Variants in GIPC2 observed in about 807,000 individuals in gnomAD.
The protein encoded by GIPC2 is GIPC PDZ domain containing family member 2.
In GIPC2, 30 loss-of-function variants were observed where a neutral mutation model predicts 30.6. That is an observed-to-expected ratio of 0.98 (90% confidence interval 0.73 to 1.33). GIPC2 has a LOEUF of 1.33. Ranked by LOEUF, GIPC2 falls within the 40% of genes most tolerant of loss-of-function variation. The probability of loss-of-function intolerance (pLI) is 0.00; values close to 1 mark genes in which losing one functional copy is unlikely to be tolerated. For missense variants in GIPC2, 414 were observed against 390.3 expected (o/e 1.06, Z -0.51); for synonymous variants, 167 against 150.0 (o/e 1.11, Z -0.83).
chr1:78,047,112 GTTT>G (rs1661108405), intron 1 of GIPC2, among the ~76,000 whole-genome samples: 1 of 152,190 alleles, frequency 6.6e-6, no homozygotes, highest in Non-Finnish European at 1.5e-5. Flanking sequence ...CTGGAACTAA[GTTT>G]GACACAGGCA....
intron 2 of GIPC2, chr1:78,091,534 G>A (rs1034057683): frequency 8.0e-6 from 6 of 749,966 alleles, no homozygotes; most frequent in Non-Finnish European, 1.5e-5. Flanking sequence ...AGCCGTCCGA[G>A]GAGGACCTGC....
chr1:78,072,935 G>A (rs1008916994), intron 1 of GIPC2, among the ~76,000 whole-genome samples: 1 of 151,318 alleles, frequency 6.6e-6, no homozygotes, highest in Non-Finnish European at 1.5e-5. Context: ...CTCCCGAGTA[G>A]CTGGGACTAC....
intron 2 of GIPC2, 21 bp from the exon 3 acceptor site, chr1:78,094,931 T>G (rs1220273492): frequency 6.7e-7 from 1 of 1,486,804 alleles, no homozygotes; most frequent in Non-Finnish European, 9.4e-7. Flanking sequence ...TTATATTATG[T>G]TATCATCAAT....
intron 1 of GIPC2, among the ~76,000 whole-genome samples, chr1:78,056,848 A>G (rs1404071416): frequency 1.3e-5 from 2 of 152,160 alleles, no homozygotes; most frequent in Non-Finnish European, 2.9e-5. Context: ...AAACACCATA[A>G]TTTGGACTTC....
At chr1:78,111,883 A>G (rs1490588757) in intron 3 of GIPC2, among the ~76,000 whole-genome samples, 8 of 152,390 alleles carry the variant, frequency 5.2e-5, no homozygotes, top group African/African-American at 1.7e-4. Flanking sequence ...TCCAAAGTCC[A>G]TGTTCTTAAC....
chr1:78,115,667 T>A (rs1031029674), intron 3 of GIPC2, among the ~76,000 whole-genome samples: 1 of 152,230 alleles, frequency 6.6e-6, no homozygotes, highest in African/African-American at 2.4e-5. Flanking sequence ...AGGCCAATAC[T>A]GTAGGCTTGC....
chr1:78,133,440 G>A (rs1252239463), intron 5 of GIPC2, among the ~76,000 whole-genome samples: 3 of 152,278 alleles, frequency 2.0e-5, no homozygotes, highest in South Asian at 2.1e-4. Context: ...ATTTGTTTGT[G>A]CATTTAAGCA....
At chr1:78,110,668 C>G (rs914200053) in intron 3 of GIPC2, among the ~76,000 whole-genome samples, 1 of 152,196 alleles carries the variant, frequency 6.6e-6, no homozygotes, top group African/African-American at 2.4e-5. Context: ...CTCCATTCAT[C>G]GCTTTTGGAA....
At chr1:78,114,394 A>G (rs889612075) in intron 3 of GIPC2, among the ~76,000 whole-genome samples, 7 of 152,224 alleles carry the variant, frequency 4.6e-5, no homozygotes, top group Non-Finnish European at 1.0e-4. Flanking sequence ...TCTCCAAAAC[A>G]TTTCAAAAAC....
intron 5 of GIPC2, among the ~76,000 whole-genome samples, chr1:78,130,305 T>C (rs1338016529): frequency 2.0e-5 from 3 of 152,146 alleles, no homozygotes; most frequent in South Asian, 4.1e-4. Context: ...GGTTTCACCA[T>C]GTTGACCAGG....
rs1197794455 is a variant in GIPC2, at chr1:78,132,553, C to T, written c.797-3039C>T. ...CATTGCAAGTCAGTGCAGGTGAAAT[C>T]TACAACATGGAGTTCCCGGGCTTAG... On this transcript the variant is annotated intron_variant, in intron 5 of 5. Transcript: ENST00000370759. Among the ~76,000 whole-genome samples the T allele has an allele frequency of 2.0e-5, 3 of 152,170 alleles. No individual in the cohort carries two copies. The East Asian group carries it at 5.8e-4, about 29-fold the overall frequency.
intron 3 of GIPC2, among the ~76,000 whole-genome samples, chr1:78,108,369 C>G (rs1180867997): frequency 6.6e-6 from 1 of 152,164 alleles, no homozygotes; most frequent in East Asian, 1.9e-4. Flanking sequence ...TAAATGACAT[C>G]TTAACTAAAG....
intron 1 of GIPC2, among the ~76,000 whole-genome samples, chr1:78,059,999 G>T (rs1379215287): frequency 6.6e-6 from 1 of 152,116 alleles, no homozygotes; most frequent in African/African-American, 2.4e-5. Context: ...CTTGACATAA[G>T]AATTTTTTTA....
At chr1:78,108,022 G>A (rs970446991) in intron 3 of GIPC2, among the ~76,000 whole-genome samples, 11 of 151,978 alleles carry the variant, frequency 7.2e-5, no homozygotes, top group African/African-American at 2.7e-4. Context: ...ATCTGTTTTG[G>A]TAACTATTTT....
intron 1 of GIPC2, among the ~76,000 whole-genome samples, chr1:78,078,101 T>C (rs900164101): frequency 7.5e-6 from 1 of 133,546 alleles, no homozygotes; most frequent in Non-Finnish European, 1.5e-5. Context: ...GGCAGGAGAA[T>C]GGCGTGAACC....
chr1:78,113,438 AG>A (rs1184076769), intron 3 of GIPC2, among the ~76,000 whole-genome samples: 1 of 152,120 alleles, frequency 6.6e-6, no homozygotes, highest in African/African-American at 2.4e-5. Flanking sequence ...CCCAGGCTGA[AG>A]TACAGTGGCG....
At position 78,107,513 on chromosome 1, in the gene GIPC2, A is replaced by C. The variant is rs369708817; in HGVS notation, c.608-11880A>C. ...AAACAAACACATTAACTTTCATAACAAGAAAACAATTATTTTAAAAAGGAA... is the reference window on the plus strand; with the variant it reads ...AAACAAACACATTAACTTTCATAACCAGAAAACAATTATTTTAAAAAGGAA... On this transcript the variant is annotated intron_variant, in intron 3 of 5. Coordinates refer to ENST00000370759, the MANE Select transcript of GIPC2 (RefSeq NM_017655.6). Among the ~76,000 whole-genome samples the C allele has an allele frequency of 1.4e-3, 218 of 152,198 alleles. 4 individuals carry two copies. Among genetic ancestry groups the C allele is most frequent in the African/African-American group, 5.2e-3 (214 of 41,520 alleles).
At chr1:78,071,690 G>T (rs1661622838) in intron 1 of GIPC2, among the ~76,000 whole-genome samples, 1 of 151,720 alleles carries the variant, frequency 6.6e-6, no homozygotes, top group Admixed American at 6.6e-5. Flanking sequence ...TCCTACCTTG[G>T]CTGGGACTAT....
At position 78,137,423 on chromosome 1, in the gene GIPC2, A is replaced by G. The variant is rs1056408303; in HGVS notation, c.*1680A>G. The G allele has an allele frequency of 1.3e-5, 2 of 152,218 alleles. No homozygotes were observed. The highest frequency in any genetic ancestry group is 2.9e-5 in the Non-Finnish European group (2 of 68,026). The allele number at this position is 152,218 out of a possible 1,614,324, so 9.4% of individuals were successfully genotyped here. A position where few individuals can be genotyped will look rare whatever the true frequency, so the allele number is the denominator to read the frequency against. ...ACAACAACAAAATAAATTTATCAGC[A>G]CTAGATATTAGATTTGAAATAAGTC... On this transcript the variant is annotated 3_prime_UTR_variant, in exon 6 of 6. Coordinates refer to ENST00000370759, the MANE Select transcript of GIPC2 (RefSeq NM_017655.6).
Sources: allele counts gnomAD v4.1 joint callset (sites outside exome capture counted in the v4.1 genomes callset), GRCh38; gene constraint gnomAD v4.1.1; transcripts MANE v1.5; gene names NCBI Gene and HGNC (gene_info 2026-07-23, HGNC 2026-07-21).